RBFOX1: variants seen among roughly 807,000 people sequenced by gnomAD.
RBFOX1 encodes the protein RNA binding fox-1 homolog 1.
Under a neutral mutation model 57.7 loss-of-function variants are expected in RBFOX1, and 8 were observed. That is an observed-to-expected ratio of 0.14 (90% CI 0.08 to 0.25). The LOEUF (loss-of-function observed/expected upper bound fraction) is 0.25, where lower values mean the gene tolerates loss of function less well. Among genes scored for constraint, RBFOX1 ranks in the 10% least tolerant of loss-of-function variants. The probability of loss-of-function intolerance (pLI) is 1.00; values close to 1 mark genes in which losing one functional copy is unlikely to be tolerated. For missense variants in RBFOX1, 611 were observed against 548.5 expected (o/e 1.11, Z -1.14); for synonymous variants, 326 against 222.4 (o/e 1.47, Z -4.15).
At chr16:6,254,772 T>G (rs971839811) in intron 1 of RBFOX1, among the ~76,000 whole-genome samples, 2 of 152,172 alleles carry the variant, frequency 1.3e-5, no homozygotes, top group African/African-American at 4.8e-5. Context: ...ATTTCTGTCT[T>G]CTGAAAAATA....
chr16:7,243,789 A>G (rs1215213492), intron 4 of RBFOX1, among the ~76,000 whole-genome samples: 1 of 152,048 alleles, frequency 6.6e-6, no homozygotes, highest in Non-Finnish European at 1.5e-5. Context: ...GGCTCAAGTG[A>G]TCCTCCTTGC....
At chr16:5,800,072 T>C (rs1031804611) in intron 3 of RBFOX1, among the ~76,000 whole-genome samples, 6 of 152,048 alleles carry the variant, frequency 3.9e-5, no homozygotes, top group African/African-American at 9.7e-5. Flanking sequence ...TATATACATA[T>C]ACATGTCCTA....
chr16:5,385,724 C>T (rs1427305716), intron 1 of RBFOX1, among the ~76,000 whole-genome samples: 3 of 152,186 alleles, frequency 2.0e-5, no homozygotes, highest in Non-Finnish European at 4.4e-5. Flanking sequence ...GAGAAGTGAG[C>T]AGGGTCCCAT....
At position 7,607,273 on chromosome 16, in the gene RBFOX1, A is replaced by G; in HGVS notation, c.623-12A>G. ...AAATGTGATAATAATGTTTTTGTGT[A>G]TTTGTTTTAAGGCTGGAAATTGAAT... On this transcript the variant is annotated splice_polypyrimidine_tract_variant and intron_variant, in intron 9 of 15. Transcript: ENST00000550418. 1.2e-6 allele frequency: 2 copies of G among 1,604,506 alleles called. No homozygotes were observed. Among genetic ancestry groups the G allele is most frequent in the Non-Finnish European group, 1.7e-6 (2 of 1,176,758 alleles).
chr16:5,945,399 G>A (rs557277626), intron 4 of RBFOX1, among the ~76,000 whole-genome samples: 1 of 152,216 alleles, frequency 6.6e-6, no homozygotes, highest in South Asian at 2.1e-4. Context: ...TTCTGCTGCT[G>A]CTGGACATTG....
At chr16:6,699,896 G>A (rs1272647253) in intron 3 of RBFOX1, among the ~76,000 whole-genome samples, 1 of 152,112 alleles carries the variant, frequency 6.6e-6, no homozygotes, top group Non-Finnish European at 1.5e-5. Flanking sequence ...TTCAATTTGG[G>A]CCCAAAGGTA....
chr16:5,471,698 C>T (rs971541987), intron 2 of RBFOX1, among the ~76,000 whole-genome samples: 17 of 152,168 alleles, frequency 1.1e-4, no homozygotes, highest in Admixed American at 8.5e-4. Flanking sequence ...CGTGGGACCT[C>T]GGGAGTATTT....
At chr16:5,298,571 CTTT>C (rs2063729679) in intron 1 of RBFOX1, among the ~76,000 whole-genome samples, 1 of 14,512 alleles carries the variant, frequency 6.9e-5, no homozygotes, top group Non-Finnish European at 1.2e-4. Flanking sequence ...CCCTCCCCTC[CTTT>C]CCCCTCCCTT....
rs550285338 is a variant in RBFOX1, at chr16:6,825,942, G to T, written c.-16+171292G>T. The stretch of plus-strand genomic sequence containing the variant: ...AATTCAAATCCTGGTTGTACCGCAG[G>T]GTGCTCATCCTTTAACGATACGAGT... On this transcript the variant is annotated intron_variant, in intron 3 of 15. Transcript: ENST00000550418. Among the ~76,000 whole-genome samples, 5 of 152,204 alleles carry T rather than the reference G, an allele frequency of 3.3e-5. No individual in the cohort carries two copies. In the South Asian group the frequency reaches 1.0e-3, roughly 32 times the overall value.
intron 4 of RBFOX1, among the ~76,000 whole-genome samples, chr16:7,148,035 C>G (rs2075370630): frequency 1.3e-5 from 2 of 152,074 alleles, no homozygotes. Flanking sequence ...GATCAGAGGC[C>G]AAATGAAAAA....
At chr16:7,187,688 CACAAAAAAAAAAAAAAAAAAAAA>C (rs2084252796) in intron 4 of RBFOX1, among the ~76,000 whole-genome samples, 1 of 43,218 alleles carries the variant, frequency 2.3e-5, no homozygotes, top group African/African-American at 7.4e-5. Context: ...GACTCTGTCT[CACAAAAAAAAAAAAAAAAAAAAA>C]AAAAAAAAAA....
At chr16:5,315,705 A>G (rs1265720693) in intron 1 of RBFOX1, among the ~76,000 whole-genome samples, 3 of 152,184 alleles carry the variant, frequency 2.0e-5, no homozygotes, top group Admixed American at 6.5e-5. Flanking sequence ...GCTGTGCGTA[A>G]GAGCACCAGG....
At position 6,870,940 on chromosome 16, in the gene RBFOX1, G is replaced by A. The variant is rs185037259; in HGVS notation, c.-15-181117G>A. Among the ~76,000 whole-genome samples the A allele has an allele frequency of 2.5e-3, 387 of 152,230 alleles. 1 individual carries two copies. The highest frequency in any genetic ancestry group is 3.4e-3 in the Middle Eastern group (1 of 294). On this transcript the variant is annotated intron_variant, in intron 3 of 15. Transcript: ENST00000550418. ...AATCAGACTTTTTCCATTTCTATCCGTAAGTGTCCATATTCCTGTAGACCT... is the reference window on the plus strand; with the variant it reads ...AATCAGACTTTTTCCATTTCTATCCATAAGTGTCCATATTCCTGTAGACCT...
intron 3 of RBFOX1, among the ~76,000 whole-genome samples, chr16:6,802,199 G>C (rs963993945): frequency 1.3e-5 from 2 of 152,104 alleles, no homozygotes; most frequent in African/African-American, 2.4e-5. Flanking sequence ...AGCCTTTGTA[G>C]ATGGGCTCTG....
intron 1 of RBFOX1, among the ~76,000 whole-genome samples, chr16:5,420,505 G>A (rs895583976): frequency 6.6e-6 from 1 of 151,692 alleles, no homozygotes; most frequent in Non-Finnish European, 1.5e-5. Flanking sequence ...TGTTTTTTTT[G>A]TTGTTTGTTT....
chr16:5,852,297 C>T (rs1050965545), intron 3 of RBFOX1, among the ~76,000 whole-genome samples: 7 of 152,268 alleles, frequency 4.6e-5, no homozygotes, highest in African/African-American at 4.8e-5. Flanking sequence ...TGAGATGTGG[C>T]TTTTGAAGCA....
chr16:6,798,817 G>C (rs559435268), intron 3 of RBFOX1, among the ~76,000 whole-genome samples: 56 of 152,272 alleles, frequency 3.7e-4, no homozygotes, highest in African/African-American at 1.2e-3. Context: ...TCTGTGATTA[G>C]ATTGTGTTCC....
intron 1 of RBFOX1, among the ~76,000 whole-genome samples, chr16:6,225,640 C>A (rs2097411048): frequency 6.6e-6 from 1 of 152,148 alleles, no homozygotes; most frequent in African/African-American, 2.4e-5. Context: ...GCTCACAATA[C>A]AATATAACTC....
intron 4 of RBFOX1, among the ~76,000 whole-genome samples, chr16:7,449,980 G>A (rs2098838929): frequency 6.6e-6 from 1 of 152,140 alleles, no homozygotes; most frequent in African/African-American, 2.4e-5. Flanking sequence ...ACATCAGGGA[G>A]GGAGAAGGGC....
Sources: gnomAD v4.1 joint callset for allele counts (sites outside exome capture counted in the v4.1 genomes callset) on GRCh38, gnomAD v4.1.1 for gene constraint, MANE v1.5 for transcripts, NCBI Gene and HGNC (gene_info 2026-07-23, HGNC 2026-07-21) for gene names.